SLC44A5: variants seen among roughly 807,000 people sequenced by gnomAD.
SLC44A5 encodes choline transporter-like protein 5.
In SLC44A5, 57 loss-of-function variants were observed where a neutral mutation model predicts 101.8. That is an observed-to-expected ratio of 0.56 (90% CI 0.45 to 0.70). SLC44A5 has a LOEUF of 0.70. Ranked by LOEUF, SLC44A5 falls within the 30% of genes least tolerant of loss-of-function variation. The pLI is 0.00. For missense variants in SLC44A5, 737 were observed against 853.1 expected (o/e 0.86, Z 1.70); for synonymous variants, 281 against 290.9 (o/e 0.97, Z 0.35).
At chr1:75,258,591 G>C (rs1177767722) in intron 6 of SLC44A5, among the ~76,000 whole-genome samples, 1 of 152,132 alleles carries the variant, frequency 6.6e-6, no homozygotes, top group African/African-American at 2.4e-5. Flanking sequence ...GGGGCGGTCG[G>C]GGGTCCAGCT....
At chr1:75,275,962 A>G (rs1651883347) in intron 5 of SLC44A5, among the ~76,000 whole-genome samples, 2 of 152,006 alleles carry the variant, frequency 1.3e-5, no homozygotes, top group African/African-American at 4.8e-5. Flanking sequence ...CATTTATTGG[A>G]TTTGACATTT....
chr1:75,233,700 G>T (rs1439393133), intron 12 of SLC44A5, among the ~76,000 whole-genome samples: 1 of 152,048 alleles, frequency 6.6e-6, no homozygotes, highest in East Asian at 1.9e-4. Context: ...TAATCTAAAA[G>T]GATTTCTTTT....
chr1:75,671,262 G>T, the SLC44A5 span, among the ~76,000 whole-genome samples: 1 of 152,186 alleles, frequency 6.6e-6, no homozygotes, highest in East Asian at 1.9e-4. Flanking sequence ...GTGGACTCTG[G>T]ATTTACTCAT....
At chr1:75,498,132 A>G (rs932633064) in intron 2 of SLC44A5, among the ~76,000 whole-genome samples, 2 of 152,200 alleles carry the variant, frequency 1.3e-5, no homozygotes, top group African/African-American at 4.8e-5. Flanking sequence ...GATTATGTAT[A>G]CAATAAGACT....
intron 1 of SLC44A5, among the ~76,000 whole-genome samples, chr1:75,609,719 A>G (rs1297870656): frequency 6.6e-6 from 1 of 152,112 alleles, no homozygotes; most frequent in Non-Finnish European, 1.5e-5. Context: ...AGCCCAATTC[A>G]CTAAATAGGA....
intron 5 of SLC44A5, among the ~76,000 whole-genome samples, chr1:75,276,528 CTTAATTATTT>C (rs1651937262): frequency 1.3e-5 from 2 of 152,096 alleles, no homozygotes; most frequent in East Asian, 3.9e-4. Context: ...GAGTGAGTCA[CTTAATTATTT>C]TGAGTCCTGA....
intron 5 of SLC44A5, among the ~76,000 whole-genome samples, chr1:75,291,706 G>A (rs949513692): frequency 6.6e-6 from 1 of 152,008 alleles, no homozygotes; most frequent in Non-Finnish European, 1.5e-5. Flanking sequence ...AGACCAGTGT[G>A]GTGCTTACAC....
intron 2 of SLC44A5, among the ~76,000 whole-genome samples, chr1:75,415,777 G>T (rs895467300): frequency 6.6e-6 from 1 of 152,134 alleles, no homozygotes; most frequent in Non-Finnish European, 1.5e-5. Flanking sequence ...TAGAGTAAAG[G>T]TGACTCTTGC....
At chr1:75,582,099 G>A (rs1053321704) in intron 1 of SLC44A5, 3 of 724,308 alleles carry the variant, frequency 4.1e-6, no homozygotes, top group Non-Finnish European at 5.1e-6. Flanking sequence ...TGCAGACATG[G>A]CCAAGTCCAA....
intron 4 of SLC44A5, among the ~76,000 whole-genome samples, chr1:75,332,545 T>C (rs1328334618): frequency 6.6e-6 from 1 of 152,104 alleles, no homozygotes; most frequent in East Asian, 1.9e-4. Context: ...AAAATAACTA[T>C]TATTATAGAA....
intron 6 of SLC44A5, among the ~76,000 whole-genome samples, chr1:75,272,544 C>A (rs918051977): frequency 6.6e-6 from 1 of 151,816 alleles, no homozygotes; most frequent in Non-Finnish European, 1.5e-5. Context: ...TAAGTCTGAT[C>A]CATCTTGAGT....
At chr1:75,467,522 A>T (rs1176467285) in intron 2 of SLC44A5, among the ~76,000 whole-genome samples, 2 of 151,786 alleles carry the variant, frequency 1.3e-5, no homozygotes, top group Admixed American at 1.3e-4. Flanking sequence ...CACAGAAATA[A>T]ATCTACACAC....
At position 75,214,697 on chromosome 1, in the gene SLC44A5, A is replaced by G. The variant is rs377136463; in HGVS notation, c.1729-19T>C. ...TTGCAATCTGAGGAAGACAGTGGCTATTATTCTGGAGCCAGTAACATACTC... is the reference window on the plus strand; with the variant it reads ...TTGCAATCTGAGGAAGACAGTGGCTGTTATTCTGGAGCCAGTAACATACTC... On this transcript the variant is annotated intron_variant, in intron 19 of 23. Transcript: ENST00000370859. 681 of 1,599,880 alleles carry G rather than the reference A, an allele frequency of 4.3e-4. No individual in the cohort carries two copies. Among genetic ancestry groups the G allele is most frequent in the Non-Finnish European group, 5.7e-4 (665 of 1,169,598 alleles).
At chr1:75,278,442 A>G (rs1652113018) in intron 5 of SLC44A5, among the ~76,000 whole-genome samples, 1 of 152,094 alleles carries the variant, frequency 6.6e-6, no homozygotes, top group Admixed American at 6.6e-5. Context: ...GTCATTCTCA[A>G]GCACATCATA....
At chr1:75,555,283 T>C (rs1198481729) in intron 1 of SLC44A5, among the ~76,000 whole-genome samples, 1 of 152,122 alleles carries the variant, frequency 6.6e-6, no homozygotes, top group Non-Finnish European at 1.5e-5. Context: ...TAGTGCAAGA[T>C]ATTGACTTCA....
intron 14 of SLC44A5, among the ~76,000 whole-genome samples, chr1:75,221,703 T>C (rs1345248710): frequency 6.6e-6 from 1 of 152,150 alleles, no homozygotes; most frequent in Admixed American, 6.5e-5. Flanking sequence ...AAAATAATAT[T>C]ACATGTAATC....
At chr1:75,398,207 A>G (rs1278183384) in intron 2 of SLC44A5, 1 of 179,282 alleles carries the variant, frequency 5.6e-6, no homozygotes, top group Non-Finnish European at 1.1e-5. Context: ...GTTCATGGTT[A>G]TCTTAAAAGG....
intron 2 of SLC44A5, among the ~76,000 whole-genome samples, chr1:75,458,158 G>A (rs1392393250): frequency 6.6e-6 from 1 of 152,196 alleles, no homozygotes; most frequent in Non-Finnish European, 1.5e-5. Flanking sequence ...AAGATAACCA[G>A]AGGATGGTGA....
chr1:75,451,477 G>A (rs4949855), intron 2 of SLC44A5, among the ~76,000 whole-genome samples: 1 of 151,600 alleles, frequency 6.6e-6, no homozygotes, highest in South Asian at 2.1e-4. Flanking sequence ...GGAAGGGAAG[G>A]GATAGGAAAA....
Sources: gnomAD v4.1 joint callset for allele counts (sites outside exome capture counted in the v4.1 genomes callset) on GRCh38, gnomAD v4.1.1 for gene constraint, MANE v1.5 for transcripts, NCBI Gene and HGNC (gene_info 2026-07-23, HGNC 2026-07-21) for gene names.